CASK: variants seen among roughly 807,000 people sequenced by gnomAD.
The protein encoded by CASK is peripheral plasma membrane protein CASK.
A neutral mutation model predicts 82.9 loss-of-function variants in CASK; 4 were observed. The ratio of observed to expected loss-of-function variants is 0.05; its 90% CI spans 0.02 to 0.11. CASK has a LOEUF of 0.11. Ranked by LOEUF, CASK falls within the 10% of genes least tolerant of loss-of-function variation. The pLI is 1.00. For synonymous variants in CASK, 259 were observed against 253.5 expected, an observed-to-expected ratio of 1.02 and a Z score of -0.20; for missense variants, 358 against 720.9, an observed-to-expected ratio of 0.50 and a Z score of 5.76.
In CASK at chrX:41,892,447, C is replaced by T. The variant is rs181558208; in HGVS notation, c.59+30483G>A. On this transcript the variant is annotated intron_variant, in intron 1 of 26. Transcript: ENST00000378163. ...TCTGGGGTTCAAGTGGTTCTCCTGC[C>T]TCAGCCTCCCGCATAGCTGGGACTA... Among the ~76,000 whole-genome samples the T allele has an allele frequency of 3.1e-3, 338 of 110,223 alleles. 1 individual carries two copies. Among genetic ancestry groups the T allele is most frequent in the African/African-American group, 0.01 (317 of 30,299 alleles).
rs182132922 is a variant in CASK, at chrX:41,661,306, A to G, written c.709-745T>C. On this transcript the variant is annotated intron_variant, in intron 7 of 26. Coordinates refer to ENST00000378163, the MANE Select transcript of CASK (RefSeq NM_001367721.1). ...AAAAAAAAATCAGAGTGGTTAGGGCATGGGGTTGGGAAGGCAAGTGGGGAA... is the reference window on the plus strand; with the variant it reads ...AAAAAAAAATCAGAGTGGTTAGGGCGTGGGGTTGGGAAGGCAAGTGGGGAA... 1.3e-4 allele frequency among the ~76,000 whole-genome samples: 14 copies of G among 111,166 alleles called. No individual in the cohort carries two copies. In the East Asian group the frequency reaches 4.0e-3, roughly 32 times the overall value.
rs183063558 is a variant in CASK at position 41,713,381 on chromosome X, T to C, written c.429+26003A>G. Among the ~76,000 whole-genome samples the C allele has an allele frequency of 5.3e-5, 6 of 112,262 alleles. No homozygotes were observed. In the East Asian group the frequency reaches 1.7e-3, roughly 32 times the overall value. On this transcript the variant is annotated intron_variant, in intron 5 of 26. Coordinates refer to ENST00000378163, the MANE Select transcript of CASK (RefSeq NM_001367721.1). ...ACACAGGAGGTTATTTCCAAGGGAATGGCCAGCGTGGTGGACTGGACCTGT... is the reference window on the plus strand; with the variant it reads ...ACACAGGAGGTTATTTCCAAGGGAACGGCCAGCGTGGTGGACTGGACCTGT...
At chrX:41,598,404 T>A (rs1310447184) in intron 12 of CASK, among the ~76,000 whole-genome samples, 1 of 111,413 alleles carries the variant, frequency 9.0e-6, no homozygotes, top group Non-Finnish European at 1.9e-5. Flanking sequence ...TAGGATGGAG[T>A]GCAATGGCAC....
At chrX:41,836,950 C>T (rs2070936992) in intron 2 of CASK, among the ~76,000 whole-genome samples, 1 of 112,011 alleles carries the variant, frequency 8.9e-6, no homozygotes, top group Non-Finnish European at 1.9e-5. Flanking sequence ...ATTAAATATT[C>T]ATGTTTCTTG....
intron 5 of CASK, among the ~76,000 whole-genome samples, chrX:41,694,881 C>T (rs759869368): frequency 3.6e-5 from 4 of 111,838 alleles, no homozygotes; most frequent in South Asian, 7.5e-4. Context: ...ACAAGTCACA[C>T]GCCATGTAGC....
chrX:41,721,354 T>C (rs1350239434), intron 5 of CASK, among the ~76,000 whole-genome samples: 2 of 111,739 alleles, frequency 1.8e-5, no homozygotes, highest in Non-Finnish European at 1.9e-5. Context: ...ATATTTCAAT[T>C]GGGGAACTCA....
At position 41,534,719 on chromosome X, in the gene CASK, C is replaced by G. The variant is rs754678428; in HGVS notation, c.2304G>C (p.Ala768=). The G allele has an allele frequency of 8.3e-7, 1 of 1,203,446 alleles. No homozygotes were observed. Among genetic ancestry groups the G allele is most frequent in the South Asian group, 1.8e-5 (1 of 56,781 alleles). Residue 768 remains alanine, a synonymous_variant, in exon 24 of 27, where the codon GCG becomes GCC. Coordinates refer to ENST00000378163, the MANE Select transcript of CASK (RefSeq NM_001367721.1). The stretch of plus-strand genomic sequence containing the variant: ...GACATTGCTTACGTGGAATAGGGTA[C>G]GCAAACCGGTCTGGGTGCTTTGTGA... The part of the protein sequence containing the change: ...TLITKHPDRF[A]YPIPHTTRPP...
chrX:41,522,825 C>T (rs2064656934), intron 26 of CASK, among the ~76,000 whole-genome samples: 1 of 112,563 alleles, frequency 8.9e-6, no homozygotes, highest in Non-Finnish European at 1.9e-5. Context: ...GTCTCTTCCT[C>T]GACAACAGCT....
chrX:41,796,538 T>C lies in CASK; in HGVS notation c.173-9255A>G, dbSNP rs367651331. On this transcript the variant is annotated intron_variant, in intron 2 of 26. Transcript: ENST00000378163. ...ATCTACAGTTTTTTGGGAAATCACA[T>C]ATTTCGTAAAAAACCTCAAGATGAC... Among the ~76,000 whole-genome samples, 11 of 112,106 alleles carry C rather than the reference T, an allele frequency of 9.8e-5. No individual in the cohort carries two copies. In the East Asian group the frequency reaches 2.5e-3, roughly 26 times the overall value.
chrX:41,692,222 A>G (rs2067581401), intron 5 of CASK, among the ~76,000 whole-genome samples: 1 of 112,459 alleles, frequency 8.9e-6, no homozygotes, highest in Non-Finnish European at 1.9e-5. Context: ...TAAGAGTTCA[A>G]TTCTGACTGC....
chrX:41,803,070 ACT>A (rs1475792672), intron 2 of CASK, among the ~76,000 whole-genome samples: 1 of 111,215 alleles, frequency 9.0e-6, no homozygotes, highest in Admixed American at 9.6e-5. Flanking sequence ...GGGAACAAAG[ACT>A]CTAGCACAGA....
intron 5 of CASK, chrX:41,728,842 C>T (rs2068315753): frequency 8.1e-6 from 1 of 123,340 alleles, no homozygotes; most frequent in South Asian, 3.7e-4. Context: ...GAAAAAAATC[C>T]AAGGTTTTAT....
At chrX:41,612,181 C>T (rs1439535755) in intron 11 of CASK, among the ~76,000 whole-genome samples, 9 of 108,002 alleles carry the variant, frequency 8.3e-5, no homozygotes, top group Non-Finnish European at 1.5e-4. Context: ...CGTGAGGAGC[C>T]CCTCTGCCTG....
At chrX:41,707,187 A>G (rs1287190269) in intron 5 of CASK, among the ~76,000 whole-genome samples, 2 of 112,519 alleles carry the variant, frequency 1.8e-5, no homozygotes, top group African/African-American at 3.2e-5. Flanking sequence ...GCTTTGACCA[A>G]TAAAATGTGG....
chrX:41,673,866 A>G (rs1474560656), intron 5 of CASK, among the ~76,000 whole-genome samples: 6 of 94,191 alleles, frequency 6.4e-5, no homozygotes, highest in African/African-American at 2.4e-4. Context: ...TCCCATCATC[A>G]ATATTTATTG....
chrX:41,582,548 C>T (rs1324830099), intron 14 of CASK, among the ~76,000 whole-genome samples: 7 of 110,811 alleles, frequency 6.3e-5, no homozygotes, highest in African/African-American at 2.3e-4. Context: ...CTCCTGACCT[C>T]GTGATCCGTC....
chrX:41,749,592 G>A (rs1196669940), intron 3 of CASK, among the ~76,000 whole-genome samples: 2 of 106,540 alleles, frequency 1.9e-5, no homozygotes. Flanking sequence ...TCACCGTCTT[G>A]GCCAGGCTGG....
intron 1 of CASK, among the ~76,000 whole-genome samples, chrX:41,876,224 G>C (rs1054945347): frequency 2.7e-5 from 3 of 111,121 alleles, no homozygotes; most frequent in Non-Finnish European, 5.7e-5. Flanking sequence ...TTTTCTAAGA[G>C]GTACTGGTAT....
chrX:41,554,292 G>A (rs2065135158), intron 20 of CASK, among the ~76,000 whole-genome samples: 1 of 111,547 alleles, frequency 9.0e-6, no homozygotes, highest in Admixed American at 9.6e-5. Context: ...TCATGACTGC[G>A]TGGCAGCCTT....
Sources: allele counts gnomAD v4.1 joint callset (sites outside exome capture counted in the v4.1 genomes callset), GRCh38; gene constraint gnomAD v4.1.1; transcripts MANE v1.5; gene names NCBI Gene and HGNC (gene_info 2026-07-23, HGNC 2026-07-21).